Variants in KCNAB1 observed in about 807,000 individuals in gnomAD.
The protein encoded by KCNAB1 is potassium voltage-gated channel subfamily A regulatory beta subunit 1.
In KCNAB1, 35 loss-of-function variants were observed where a neutral mutation model predicts 64.6. The observed-to-expected ratio is 0.54, with a 90% confidence interval of 0.41 to 0.72. The LOEUF (loss-of-function observed/expected upper bound fraction) is 0.72. Among genes scored for constraint, KCNAB1 ranks in the 30% least tolerant of loss-of-function variants. The pLI is 0.00. For synonymous variants in KCNAB1, 177 were observed against 183.8 expected (o/e 0.96, Z 0.30); for missense variants, 401 against 512.9 (o/e 0.78, Z 2.11).
chr3:156,369,868 G>T (rs1190206670), intron 1 of KCNAB1, among the ~76,000 whole-genome samples: 1 of 152,070 alleles, frequency 6.6e-6, no homozygotes, highest in Non-Finnish European at 1.5e-5. Context: ...TTCTTAATTT[G>T]CTCCAACTGT....
intron 1 of KCNAB1, among the ~76,000 whole-genome samples, chr3:156,137,339 G>A (rs62284939): frequency 0.11 from 17,047 of 152,044 alleles, 1,385 homozygotes; most frequent in South Asian, 0.34. Flanking sequence ...GGGAGAAGGA[G>A]CTAAGGCTGG....
intron 1 of KCNAB1, among the ~76,000 whole-genome samples, chr3:156,351,226 G>A (rs142948459): frequency 7.0e-4 from 107 of 152,326 alleles, no homozygotes; most frequent in African/African-American, 2.5e-3. Flanking sequence ...AATCCATCAG[G>A]GCAGGTAAGC....
chr3:156,280,137 T>C (rs1719608602), intron 1 of KCNAB1, among the ~76,000 whole-genome samples: 1 of 149,148 alleles, frequency 6.7e-6, no homozygotes, highest in South Asian at 2.1e-4. Flanking sequence ...CTTGAATTGA[T>C]TTTTGTATAA....
intron 1 of KCNAB1, among the ~76,000 whole-genome samples, chr3:156,205,055 TTAAG>T (rs1416506038): frequency 1.3e-5 from 2 of 152,182 alleles, no homozygotes; most frequent in African/African-American, 2.4e-5. Flanking sequence ...GATAATTATA[TTAAG>T]TGAGTTTTGT....
chr3:156,129,147 A>G (rs1489333437), intron 1 of KCNAB1, among the ~76,000 whole-genome samples: 2 of 151,954 alleles, frequency 1.3e-5, no homozygotes, highest in African/African-American at 2.4e-5. Flanking sequence ...ATTTTTTGTC[A>G]GTCGTTGATT....
intron 1 of KCNAB1, among the ~76,000 whole-genome samples, chr3:156,347,920 C>T (rs1490346969): frequency 6.6e-6 from 1 of 152,160 alleles, no homozygotes; most frequent in Non-Finnish European, 1.5e-5. Context: ...GATTCTTGTC[C>T]ATTCTCCATT....
chr3:156,498,018 T>A (rs996907558), intron 8 of KCNAB1, among the ~76,000 whole-genome samples: 2 of 152,308 alleles, frequency 1.3e-5, no homozygotes, highest in East Asian at 3.9e-4. Flanking sequence ...GGATAAGATG[T>A]CAGTTTGAAA....
chr3:156,308,649 T>C (rs1721675939), intron 1 of KCNAB1, among the ~76,000 whole-genome samples: 1 of 152,232 alleles, frequency 6.6e-6, no homozygotes, highest in Non-Finnish European at 1.5e-5. Flanking sequence ...CTGCCACTTA[T>C]ACGTTCTTGA....
upstream of KCNAB1, among the ~76,000 whole-genome samples, chr3:156,118,933 G>A (rs1051037367): frequency 2.6e-5 from 4 of 152,212 alleles, no homozygotes; most frequent in East Asian, 1.9e-4. Flanking sequence ...AGAGGCTGTC[G>A]CCTGCTGGTG....
At chr3:156,256,038 T>C (rs1576650305) in intron 1 of KCNAB1, among the ~76,000 whole-genome samples, 1 of 152,200 alleles carries the variant, frequency 6.6e-6, no homozygotes, top group Admixed American at 6.5e-5. Flanking sequence ...CTATTATGAT[T>C]TTTCTTCCAC....
chr3:156,443,203 G>A (rs904828478), intron 2 of KCNAB1, among the ~76,000 whole-genome samples: 6 of 152,008 alleles, frequency 3.9e-5, no homozygotes, highest in African/African-American at 9.7e-5. Context: ...CCCTCTCACC[G>A]CCGCCCCCTC....
At chr3:156,373,495 C>T (rs1000797750) in intron 1 of KCNAB1, among the ~76,000 whole-genome samples, 2 of 152,000 alleles carry the variant, frequency 1.3e-5, no homozygotes, top group African/African-American at 2.4e-5. Flanking sequence ...GGAAGAAATG[C>T]GAAATGAAGT....
intron 1 of KCNAB1, among the ~76,000 whole-genome samples, chr3:156,387,099 T>A (rs369583246): frequency 2.0e-5 from 3 of 150,578 alleles, no homozygotes; most frequent in East Asian, 3.9e-4. Flanking sequence ...TGAAAAGTAC[T>A]ATGCATTCTA....
chr3:156,428,691 A>C (rs4505649), intron 2 of KCNAB1, among the ~76,000 whole-genome samples: 1,773 of 152,278 alleles, frequency 0.012, 33 homozygotes, highest in African/African-American at 0.041. Context: ...TAATGTGGTC[A>C]CTTGCTCATT....
chr3:156,378,957 C>T (rs1455856456), intron 1 of KCNAB1, among the ~76,000 whole-genome samples: 3 of 152,216 alleles, frequency 2.0e-5, no homozygotes, highest in African/African-American at 7.2e-5. Flanking sequence ...GAGTCAAAGG[C>T]TGTCTCTGAC....
At chr3:156,295,032 A>G (rs750281240) in intron 1 of KCNAB1, among the ~76,000 whole-genome samples, 3 of 152,220 alleles carry the variant, frequency 2.0e-5, no homozygotes, top group Admixed American at 6.5e-5. Flanking sequence ...GTCTGGGGCT[A>G]AAGTACAAGT....
At chr3:156,481,196 T>C (rs984564101) in intron 8 of KCNAB1, among the ~76,000 whole-genome samples, 1 of 152,026 alleles carries the variant, frequency 6.6e-6, no homozygotes, top group Admixed American at 6.6e-5. Context: ...AAAGGGACAA[T>C]TTGGCAATAC....
At chr3:156,329,455 G>A (rs1723188864) in intron 1 of KCNAB1, among the ~76,000 whole-genome samples, 3 of 152,108 alleles carry the variant, frequency 2.0e-5, no homozygotes, top group Admixed American at 6.6e-5. Flanking sequence ...CAAGAGTAGA[G>A]GGATCCCCGG....
intron 1 of KCNAB1, among the ~76,000 whole-genome samples, chr3:156,384,020 G>A (rs73017998): frequency 0.027 from 4,074 of 152,244 alleles, 184 homozygotes; most frequent in African/African-American, 0.091. Context: ...TTTTCAGGGT[G>A]GGTGAGCCCC....
Sources: gnomAD v4.1 joint callset for allele counts (sites outside exome capture counted in the v4.1 genomes callset) on GRCh38, gnomAD v4.1.1 for gene constraint, MANE v1.5 for transcripts, NCBI Gene and HGNC (gene_info 2026-07-23, HGNC 2026-07-21) for gene names.